Variants in KHDRBS2 observed in about 807,000 individuals in gnomAD.
KHDRBS2 encodes KH domain-containing, RNA-binding, signal transduction-associated protein 2.
Under a neutral mutation model 44.3 loss-of-function variants are expected in KHDRBS2, and 26 were observed. The observed-to-expected ratio is 0.59, with a 90% CI of 0.43 to 0.81. KHDRBS2 has a LOEUF of 0.81. KHDRBS2 is among the 40% of genes least tolerant of loss of function. The probability of loss-of-function intolerance (pLI) is 0.00; values close to 1 mark genes in which losing one functional copy is unlikely to be tolerated. For synonymous variants in KHDRBS2, 194 were observed against 151.1 expected, an observed-to-expected ratio of 1.28 and a Z score of -2.08; for missense variants, 476 against 433.1, an observed-to-expected ratio of 1.10 and a Z score of -0.88.
chr6:61,597,121 A>T, the KHDRBS2 span, among the ~76,000 whole-genome samples: 17 of 152,316 alleles, frequency 1.1e-4, no homozygotes, highest in South Asian at 2.3e-3. Flanking sequence ...CAAAAGTAAG[A>T]TAGTTTTTTA....
intron 1 of KHDRBS2, among the ~76,000 whole-genome samples, chr6:62,193,388 T>A (rs1275853847): frequency 6.6e-6 from 1 of 152,056 alleles, no homozygotes; most frequent in Non-Finnish European, 1.5e-5. Context: ...CAAATATGTG[T>A]TCTAATTTTT....
intron 2 of KHDRBS2, among the ~76,000 whole-genome samples, chr6:62,063,184 G>A (rs952502615): frequency 6.1e-5 from 7 of 113,964 alleles, no homozygotes; most frequent in African/African-American, 1.8e-4. Context: ...ATTCACAGCC[G>A]AATTCTACCA....
intron 6 of KHDRBS2, among the ~76,000 whole-genome samples, chr6:61,821,447 G>A (rs1406575913): frequency 1.3e-5 from 2 of 151,982 alleles, no homozygotes; most frequent in Non-Finnish European, 1.5e-5. Context: ...TATGAGTGAG[G>A]ACTCAGCTGG....
chr6:61,577,971 A>G, the KHDRBS2 span, among the ~76,000 whole-genome samples: 3 of 152,272 alleles, frequency 2.0e-5, no homozygotes, highest in East Asian at 3.9e-4. Flanking sequence ...TAAATACTTG[A>G]GAACTATTTA....
At chr6:61,785,811 A>AT (rs751197136) in intron 6 of KHDRBS2, among the ~76,000 whole-genome samples, 19 of 152,104 alleles carry the variant, frequency 1.2e-4, no homozygotes, top group Non-Finnish European at 1.9e-4. Context: ...AAGTATATAC[A>AT]TTTTTTGCTT....
rs150124023 is a variant in KHDRBS2 at position 62,104,897 on chromosome 6, G to C, written c.220-56903C>G. 7.2e-3 allele frequency among the ~76,000 whole-genome samples: 1,092 copies of C among 152,146 alleles called. 15 individuals are homozygous for C. Among genetic ancestry groups the C allele is most frequent in the African/African-American group, 0.024 (1,006 of 41,550 alleles). On this transcript the variant is annotated intron_variant, in intron 2 of 8. Transcript: ENST00000281156. ...AATAAAATTTATAAGCCTTCTGTGA[G>C]ACTTGTAATGAAAGAAAAGGAAAGA...
chr6:61,897,711 G>GTCTCTCTCTC (rs113407645), intron 5 of KHDRBS2, among the ~76,000 whole-genome samples: 1 of 148,472 alleles, frequency 6.7e-6, no homozygotes, highest in East Asian at 2.0e-4. Context: ...CTCTGTCTCT[G>GTCTCTCTCTC]TCTCTCTCTC....
chr6:61,637,050 T>C, the KHDRBS2 span, among the ~76,000 whole-genome samples: 16 of 152,262 alleles, frequency 1.1e-4, no homozygotes, highest in East Asian at 1.5e-3. Context: ...ATTATTATTA[T>C]ACTTTAAGTT....
At chr6:62,029,738 G>A (rs1784004320) in intron 3 of KHDRBS2, among the ~76,000 whole-genome samples, 1 of 151,940 alleles carries the variant, frequency 6.6e-6, no homozygotes, top group Admixed American at 6.6e-5. Context: ...TAGAAGACCT[G>A]TAGATTTTCA....
At chr6:62,023,175 T>C (rs1487622956) in intron 3 of KHDRBS2, among the ~76,000 whole-genome samples, 1 of 151,774 alleles carries the variant, frequency 6.6e-6, no homozygotes, top group Admixed American at 6.6e-5. Context: ...TACTAATCCA[T>C]ATGTAAGAAT....
intron 3 of KHDRBS2, among the ~76,000 whole-genome samples, chr6:62,001,598 T>C (rs1335608808): frequency 6.6e-6 from 1 of 152,148 alleles, no homozygotes; most frequent in Non-Finnish European, 1.5e-5. Flanking sequence ...TTAATAACAT[T>C]ATTATTTTAA....
chr6:62,056,313 A>T (rs534110592), intron 2 of KHDRBS2, among the ~76,000 whole-genome samples: 35 of 152,138 alleles, frequency 2.3e-4, no homozygotes, highest in Admixed American at 2.2e-3. Context: ...TCATCTACAC[A>T]TATAACGCTT....
chr6:61,569,916 A>G, the KHDRBS2 span, among the ~76,000 whole-genome samples: 2 of 152,326 alleles, frequency 1.3e-5, no homozygotes, highest in African/African-American at 4.8e-5. Flanking sequence ...AGACAAAAGA[A>G]TATGAACAGC....
intron 3 of KHDRBS2, among the ~76,000 whole-genome samples, chr6:62,046,738 T>A (rs1787786921): frequency 6.6e-6 from 1 of 151,924 alleles, no homozygotes; most frequent in Non-Finnish European, 1.5e-5. Context: ...GTAATATTTA[T>A]TTTAAGTGTA....
chr6:62,048,799 G>C (rs899843531), intron 2 of KHDRBS2, among the ~76,000 whole-genome samples: 1 of 151,792 alleles, frequency 6.6e-6, no homozygotes, highest in Non-Finnish European at 1.5e-5. Flanking sequence ...AATGACCGAG[G>C]TAATAATTTG....
At chr6:61,977,516 GT>G (rs1425536065) in intron 4 of KHDRBS2, among the ~76,000 whole-genome samples, 9 of 151,914 alleles carry the variant, frequency 5.9e-5, no homozygotes, top group Non-Finnish European at 1.2e-4. Context: ...TCCAATTTTT[GT>G]TTAAAGTCAA....
At chr6:61,626,788 C>G in the KHDRBS2 span, among the ~76,000 whole-genome samples, 1 of 152,130 alleles carries the variant, frequency 6.6e-6, no homozygotes, top group Non-Finnish European at 1.5e-5. Context: ...TGCTGAGTAG[C>G]TATGAAAAAT....
At chr6:62,137,087 G>A (rs186491064) in intron 2 of KHDRBS2, among the ~76,000 whole-genome samples, 43 of 132,188 alleles carry the variant, frequency 3.3e-4, no homozygotes, top group African/African-American at 1.1e-3. Context: ...TGCAAGCTCC[G>A]CCTCCCGGGT....
chr6:61,915,370 A>G (rs1355647949), intron 4 of KHDRBS2, among the ~76,000 whole-genome samples: 1 of 152,046 alleles, frequency 6.6e-6, no homozygotes, highest in East Asian at 1.9e-4. Context: ...TCATTTCTGT[A>G]TAAGGAAAAT....
Sources: gnomAD v4.1 joint callset for allele counts (sites outside exome capture counted in the v4.1 genomes callset) on GRCh38, gnomAD v4.1.1 for gene constraint, MANE v1.5 for transcripts, NCBI Gene and HGNC (gene_info 2026-07-23, HGNC 2026-07-21) for gene names.